RBFOX1: variants seen among roughly 807,000 people sequenced by gnomAD.
RBFOX1 encodes the protein RNA binding fox-1 homolog 1, also known as RNA binding protein fox-1 homolog 1.
Under a neutral mutation model 57.7 loss-of-function variants are expected in RBFOX1, and 8 were observed. The ratio of observed to expected loss-of-function variants is 0.14; its 90% confidence interval spans 0.08 to 0.25. RBFOX1 has a LOEUF of 0.25. Among genes scored for constraint, RBFOX1 ranks in the 10% least tolerant of loss-of-function variants. RBFOX1 has a pLI of 1.00. For synonymous variants in RBFOX1, 326 were observed against 222.4 expected (o/e 1.47, Z -4.15); for missense variants, 611 against 548.5 (o/e 1.11, Z -1.14).
intron 1 of RBFOX1, among the ~76,000 whole-genome samples, chr16:5,345,749 G>T (rs968490549): frequency 6.6e-6 from 1 of 152,064 alleles, no homozygotes; most frequent in Non-Finnish European, 1.5e-5. Context: ...CACCTGATGG[G>T]TTAAGGCACA....
At chr16:5,495,356 G>C (rs1029237100) in intron 2 of RBFOX1, among the ~76,000 whole-genome samples, 1 of 152,192 alleles carries the variant, frequency 6.6e-6, no homozygotes, top group African/African-American at 2.4e-5. Context: ...GAGGGGGAAC[G>C]TGTTGCAGAC....
chr16:6,843,084 C>T (rs1400104783), intron 3 of RBFOX1, among the ~76,000 whole-genome samples: 1 of 151,990 alleles, frequency 6.6e-6, no homozygotes, highest in African/African-American at 2.4e-5. Context: ...TGGGTTGGTT[C>T]CAAGATTTAC....
chr16:6,990,078 A>G (rs146250918), intron 3 of RBFOX1, among the ~76,000 whole-genome samples: 71 of 152,326 alleles, frequency 4.7e-4, no homozygotes, highest in African/African-American at 1.7e-3. Flanking sequence ...ATACTCTTCA[A>G]GAGGTCAGAT....
At chr16:6,630,614 G>C (rs1476545862) in intron 2 of RBFOX1, among the ~76,000 whole-genome samples, 1 of 152,142 alleles carries the variant, frequency 6.6e-6, no homozygotes, top group East Asian at 1.9e-4. Context: ...CTTGCTAGTA[G>C]GAATCAGAAA....
At chr16:6,443,145 C>G (rs993174117) in intron 2 of RBFOX1, among the ~76,000 whole-genome samples, 1 of 152,126 alleles carries the variant, frequency 6.6e-6, no homozygotes, top group Non-Finnish European at 1.5e-5. Flanking sequence ...TCACATAGGC[C>G]TGGGTGAGCT....
chr16:6,372,376 A>G (rs189034319), intron 2 of RBFOX1, among the ~76,000 whole-genome samples: 18 of 148,386 alleles, frequency 1.2e-4, no homozygotes, highest in Non-Finnish European at 2.2e-4. Context: ...GTTGGTTAGG[A>G]TCTTTGGGTA....
intron 13 of RBFOX1, among the ~76,000 whole-genome samples, chr16:7,672,886 A>AAAAAAAAAAAAAAAAAAAAC: frequency 6.7e-6 from 1 of 148,744 alleles, no homozygotes; most frequent in Non-Finnish European, 1.5e-5. Flanking sequence ...AAAAAAAAAA[A>AAAAAAAAAAAAAAAAAAAAC]AAGAACATAT....
At chr16:6,821,865 T>A (rs936691439) in intron 3 of RBFOX1, among the ~76,000 whole-genome samples, 1 of 152,198 alleles carries the variant, frequency 6.6e-6, no homozygotes, top group Non-Finnish European at 1.5e-5. Context: ...TTTCAATTTT[T>A]GTGGGTATAT....
intron 3 of RBFOX1, among the ~76,000 whole-genome samples, chr16:5,663,424 CA>C (rs1192076661): frequency 2.0e-5 from 3 of 151,410 alleles, no homozygotes; most frequent in Non-Finnish European, 4.4e-5. Context: ...AGGCTGTCCT[CA>C]AACTCCTGGC....
intron 3 of RBFOX1, among the ~76,000 whole-genome samples, chr16:5,747,441 C>G (rs1328412246): frequency 6.6e-6 from 1 of 152,072 alleles, no homozygotes; most frequent in African/African-American, 2.4e-5. Context: ...GTTGATTGGA[C>G]TAGTTTCGGA....
At chr16:5,530,651 C>T (rs1347527104) in intron 2 of RBFOX1, among the ~76,000 whole-genome samples, 1 of 152,148 alleles carries the variant, frequency 6.6e-6, no homozygotes, top group Non-Finnish European at 1.5e-5. Flanking sequence ...GGCCTCTACC[C>T]ATGAGAGACC....
intron 5 of RBFOX1, among the ~76,000 whole-genome samples, chr16:7,566,193 G>T (rs1192275518): frequency 6.6e-6 from 1 of 152,162 alleles, no homozygotes; most frequent in Non-Finnish European, 1.5e-5. Flanking sequence ...AAACCTGTCA[G>T]TGAGGGCTTA....
intron 4 of RBFOX1, among the ~76,000 whole-genome samples, chr16:7,266,759 A>G (rs2095158713): frequency 1.3e-5 from 2 of 151,890 alleles, no homozygotes; most frequent in Admixed American, 6.6e-5. Context: ...CTAATGTTAA[A>G]TGCTACAAAG....
chr16:7,214,054 G>A lies in RBFOX1; in HGVS notation c.27+161956G>A, dbSNP rs548215276. 1.5e-4 allele frequency among the ~76,000 whole-genome samples: 22 copies of A among 150,878 alleles called. No individual in the cohort carries two copies. The South Asian group carries it at 4.2e-3, about 29-fold the overall frequency. ...CTTTGCCTAGAAACTGGTCCTTTCT[G>A]GAAGCTTCTGAGCTTGCTATGGAAA... On this transcript the variant is annotated intron_variant, in intron 4 of 15. Transcript: ENST00000550418.
chr16:7,334,307 C>G (rs1029552756), intron 4 of RBFOX1, among the ~76,000 whole-genome samples: 1 of 152,034 alleles, frequency 6.6e-6, no homozygotes, highest in Non-Finnish European at 1.5e-5. Flanking sequence ...GGAGAACGGT[C>G]CTTTGCAGCG....
chr16:5,352,729 G>A lies in RBFOX1; in HGVS notation c.219+112624G>A, dbSNP rs146978323. Among the ~76,000 whole-genome samples the A allele has an allele frequency of 4.5e-3, 690 of 152,252 alleles. 5 individuals carry two copies. The highest frequency in any genetic ancestry group is 0.016 in the African/African-American group (656 of 41,544). On this transcript the variant is annotated intron_variant, in intron 1 of 2. Transcript: ENST00000585867. ...AGGCCAAGGTGGGGGGATTGCTTGA[G>A]CCCAGGAGTTTAAAATCAGCCTGGG...
chr16:7,065,775 G>C (rs917425330), intron 4 of RBFOX1, among the ~76,000 whole-genome samples: 2 of 152,136 alleles, frequency 1.3e-5, no homozygotes, highest in East Asian at 3.9e-4. Context: ...CTAAGTGAAA[G>C]TTTGTATTAT....
At chr16:7,274,591 C>T (rs77238153) in intron 4 of RBFOX1, among the ~76,000 whole-genome samples, 5,438 of 152,216 alleles carry the variant, frequency 0.036, 132 homozygotes, top group South Asian at 0.047. Flanking sequence ...ACTAGGTCTA[C>T]TTATGGGCCA....
intron 2 of RBFOX1, among the ~76,000 whole-genome samples, chr16:6,651,010 C>CT (rs2098587864): frequency 1.3e-5 from 2 of 152,196 alleles, no homozygotes; most frequent in Admixed American, 6.5e-5. Context: ...TCAAGTGATT[C>CT]TCTTGTCTCA....
Sources: allele counts gnomAD v4.1 joint callset (sites outside exome capture counted in the v4.1 genomes callset), GRCh38; gene constraint gnomAD v4.1.1; transcripts MANE v1.5; gene names NCBI Gene and HGNC (gene_info 2026-07-23, HGNC 2026-07-21).